EXD1: variants seen among roughly 807,000 people sequenced by gnomAD.
The protein encoded by EXD1 is exonuclease 3'-5' domain containing 1, also known as piRNA biogenesis protein EXD1.
In EXD1, 63 loss-of-function variants were observed where a neutral mutation model predicts 49.1. That is an observed-to-expected ratio of 1.28 (90% confidence interval 1.05 to 1.58). The LOEUF is 1.58. Among genes scored for constraint, EXD1 ranks in the 40% most tolerant of loss-of-function variants. The pLI, the probability that EXD1 is intolerant of heterozygous loss-of-function variation, is 0.00. For missense variants in EXD1, 748 were observed against 666.0 expected, an observed-to-expected ratio of 1.12 and a Z score of -1.36; for synonymous variants, 234 against 239.2, an observed-to-expected ratio of 0.98 and a Z score of 0.20.
chr15:41,204,073 C>T (rs927142713), intron 7 of EXD1, among the ~76,000 whole-genome samples: 1 of 150,902 alleles, frequency 6.6e-6, no homozygotes, highest in Non-Finnish European at 1.5e-5. Flanking sequence ...CAGTGCAACC[C>T]CATCTCTACT....
chr15:41,209,135 A>C (rs1396393020), intron 7 of EXD1, among the ~76,000 whole-genome samples: 2 of 152,166 alleles, frequency 1.3e-5, no homozygotes, highest in Admixed American at 1.3e-4. Context: ...TAATAAATCT[A>C]CCAGTGAGCC....
At chr15:41,186,327 C>T (rs887785857) in intron 11 of EXD1, among the ~76,000 whole-genome samples, 1 of 151,914 alleles carries the variant, frequency 6.6e-6, no homozygotes, top group African/African-American at 2.4e-5. Context: ...TAAAAATTAG[C>T]TGAGCACGGT....
chr15:41,215,874 A>G (rs1292245340), intron 5 of EXD1, 41 bp from the exon 6 acceptor site: 14 of 1,593,842 alleles, frequency 8.8e-6, no homozygotes, highest in Non-Finnish European at 1.1e-5. Context: ...TCTCTTCCTC[A>G]GCAACAGAAT....
chr15:41,229,619 T>C (rs1000407298), intron 1 of EXD1, among the ~76,000 whole-genome samples: 1 of 151,968 alleles, frequency 6.6e-6, no homozygotes, highest in African/African-American at 2.4e-5. Flanking sequence ...AAATACAAAA[T>C]TAGCTGGACA....
chr15:41,185,694 A>T (rs1293233098), intron 11 of EXD1, among the ~76,000 whole-genome samples: 2 of 151,292 alleles, frequency 1.3e-5, no homozygotes, highest in Non-Finnish European at 2.9e-5. Context: ...CTAATATTTA[A>T]TTTTTTTGTA....
At chr15:41,187,446 T>A (rs2046429992) in intron 11 of EXD1, among the ~76,000 whole-genome samples, 2 of 152,280 alleles carry the variant, frequency 1.3e-5, no homozygotes, top group South Asian at 4.1e-4. Flanking sequence ...TTGAGCATTA[T>A]GGGTTTTGGT....
intron 7 of EXD1, among the ~76,000 whole-genome samples, chr15:41,199,593 T>TTA (rs398118787): frequency 4.0e-5 from 5 of 124,146 alleles, no homozygotes; most frequent in Non-Finnish European, 1.6e-5. Flanking sequence ...ATAATTTGTT[T>TTA]TATATATATT....
chr15:41,211,066 TTTTTG>T (rs1047208530), intron 6 of EXD1, among the ~76,000 whole-genome samples: 1 of 152,094 alleles, frequency 6.6e-6, no homozygotes, highest in Non-Finnish European at 1.5e-5. Context: ...CTTTTTTTGT[TTTTTG>T]TTTTGTTTTG....
At position 41,191,478 on chromosome 15, in the gene EXD1, A is replaced by C. The variant is rs1013407800; in HGVS notation, c.828T>G (p.Tyr276Ter). 6.2e-7 allele frequency: 1 copy of C among 1,612,510 alleles called. No homozygotes were observed. Among genetic ancestry groups the C allele is most frequent in the Non-Finnish European group, 8.5e-7 (1 of 1,178,694 alleles). The change falls in exon 10 of 12, where the codon TAT becomes TAG. Residue 276 changes from tyrosine (Y) to a stop codon, truncating the protein, a stop_gained. Coordinates refer to ENST00000458580, the MANE Select transcript of EXD1 (RefSeq NM_001286441.2). LOFTEE classifies it high-confidence loss of function. ...LIKHLQVAPK[Y>*]LSFLEKRQKL... Reference sequence around the variant, plus strand: ...TTTGTCTCTTTTCTAGAAAGGAGAGATATTTAGGGGCTACTTGAAGGTGTT... The same window carrying C: ...TTTGTCTCTTTTCTAGAAAGGAGAGCTATTTAGGGGCTACTTGAAGGTGTT...
In EXD1 at chr15:41,195,781, G is replaced by A. The variant is rs368674861; in HGVS notation, c.714C>T (p.Asp238=). 2 of 1,612,626 alleles carry A rather than the reference G, an allele frequency of 1.2e-6. No individual in the cohort carries two copies. Among genetic ancestry groups the A allele is most frequent in the Non-Finnish European group, 1.7e-6 (2 of 1,179,466 alleles). ...QYGILLNNVF[D]TQVADVLQFS... is the part of the protein sequence containing the mutation. Reference sequence around the variant, plus strand: ...AGTGCTTCCCTTCATGTACCTGTGTGTCAAAGACATTATTCAGCAAAATTC... The same window carrying A: ...AGTGCTTCCCTTCATGTACCTGTGTATCAAAGACATTATTCAGCAAAATTC... The change falls in exon 9 of 12, where the codon GAC becomes GAT. Residue 238 remains aspartate, a synonymous_variant. Coordinates refer to ENST00000458580, the MANE Select transcript of EXD1 (RefSeq NM_001286441.2).
intron 1 of EXD1, among the ~76,000 whole-genome samples, chr15:41,229,460 C>G (rs1029070209): frequency 6.6e-6 from 1 of 151,672 alleles, no homozygotes; most frequent in African/African-American, 2.4e-5. Flanking sequence ...CACTCCAGCC[C>G]GGACTCTGTC....
chr15:41,191,674 T>C lies in EXD1; in HGVS notation c.721-89A>G, dbSNP rs1595426762. 5 of 1,315,456 alleles carry C rather than the reference T, an allele frequency of 3.8e-6. No individual in the cohort carries two copies. In the East Asian group the frequency reaches 1.2e-4, roughly 32 times the overall value. 81.5% of individuals were successfully genotyped at this position (1,315,456 alleles called of 1,614,324 possible). On this transcript the variant is annotated intron_variant, in intron 9 of 11. Transcript: ENST00000458580. ...AAATATATTTAGAGAAATGTCTAAA[T>C]AACATTTTCCCCAAGGACCCACACG... is the stretch of plus-strand genomic sequence containing the variant.
chr15:41,221,655 T>C (rs2047090419), intron 2 of EXD1, among the ~76,000 whole-genome samples: 1 of 151,900 alleles, frequency 6.6e-6, no homozygotes, highest in South Asian at 2.1e-4. Flanking sequence ...ACACTTCTGC[T>C]TGCCCCTCAT....
chr15:41,190,819 G>T, intron 10 of EXD1, among the ~76,000 whole-genome samples: 1 of 152,136 alleles, frequency 6.6e-6, no homozygotes, highest in East Asian at 1.9e-4. Context: ...GGTGATTTTG[G>T]TTCCATTGCC....
At chr15:41,221,269 T>G (rs886945086) in intron 2 of EXD1, among the ~76,000 whole-genome samples, 1 of 152,086 alleles carries the variant, frequency 6.6e-6, no homozygotes, top group Non-Finnish European at 1.5e-5. Flanking sequence ...GATTTTAATA[T>G]GCTTTTTTAT....
chr15:41,204,890 A>G (rs1455319968), intron 7 of EXD1, among the ~76,000 whole-genome samples: 1 of 152,148 alleles, frequency 6.6e-6, no homozygotes, highest in Non-Finnish European at 1.5e-5. Context: ...TCCCCATTCT[A>G]TAGAGGGTCC....
intron 6 of EXD1, 65 bp downstream of exon 6, chr15:41,215,710 T>C: frequency 6.7e-7 from 1 of 1,502,464 alleles, no homozygotes. Flanking sequence ...AGAAAGAAAT[T>C]TATGACACAC....
chr15:41,228,415 C>T (rs2047193768), intron 1 of EXD1, among the ~76,000 whole-genome samples: 2 of 152,140 alleles, frequency 1.3e-5, no homozygotes, highest in African/African-American at 2.4e-5. Flanking sequence ...ACAACCATAA[C>T]CTAATTTACA....
In EXD1 at chr15:41,184,083, C is replaced by G; in HGVS notation, c.1567G>C (p.Ala523Pro). ...TGAGGAAAGGAAGACATTGAAACAG[C>G]CTGTTTTGTGCATTTTAAATCTTCC... ...NKEDLKCTKQ[A>P]VSMSSFPQET... The change falls in exon 12 of 12, where the codon GCT becomes CCT. Residue 523 changes from alanine to proline, a missense_variant. Ala to Pro is a conservative substitution (Grantham distance 27). Transcript: ENST00000458580. 1 of 1,614,172 alleles carries G rather than the reference C, an allele frequency of 6.2e-7. No individual in the cohort carries two copies. The highest frequency in any genetic ancestry group is 8.5e-7 in the Non-Finnish European group (1 of 1,180,032).
Sources: allele counts gnomAD v4.1 joint callset (sites outside exome capture counted in the v4.1 genomes callset), GRCh38; gene constraint gnomAD v4.1.1; transcripts MANE v1.5; gene names NCBI Gene and HGNC (gene_info 2026-07-23, HGNC 2026-07-21).